MALRD1: variants seen among roughly 807,000 people sequenced by gnomAD.
MALRD1 encodes MAM and LDL-receptor class A domain-containing protein 1.
In MALRD1, 247 loss-of-function variants were observed where a neutral mutation model predicts 242.1. The observed-to-expected ratio is 1.02, with a 90% CI of 0.92 to 1.13. The LOEUF (loss-of-function observed/expected upper bound fraction) is 1.13, where lower values mean the gene tolerates loss of function less well. Ranked by LOEUF, MALRD1 falls within the 50% of genes most tolerant of loss-of-function variation. The probability of loss-of-function intolerance (pLI) is 0.00; values close to 1 mark genes in which losing one functional copy is unlikely to be tolerated. For missense variants in MALRD1, 2,989 were observed against 2,533.1 expected (o/e 1.18, Z -3.86); for synonymous variants, 995 against 866.6 (o/e 1.15, Z -2.60).
intron 21 of MALRD1, among the ~76,000 whole-genome samples, chr10:19,312,764 C>T (rs1289288219): frequency 6.6e-6 from 1 of 151,204 alleles, no homozygotes; most frequent in Non-Finnish European, 1.5e-5. Context: ...TTTTAGATGA[C>T]ATTAGATGAA....
intron 13 of MALRD1, 51 bp from the exon 14 acceptor site, chr10:19,175,157 A>G: frequency 8.6e-7 from 1 of 1,159,390 alleles, no homozygotes; most frequent in Non-Finnish European, 1.1e-6. Flanking sequence ...TGATTGTAAG[A>G]CATTACTTTT....
chr10:19,194,517 C>G (rs1320368937), intron 14 of MALRD1, among the ~76,000 whole-genome samples: 1 of 152,082 alleles, frequency 6.6e-6, no homozygotes, highest in Non-Finnish European at 1.5e-5. Context: ...CACTGTCAGT[C>G]TATTACCATA....
chr10:19,445,182 C>T (rs2131009117), intron 28 of MALRD1, among the ~76,000 whole-genome samples: 1 of 152,234 alleles, frequency 6.6e-6, no homozygotes, highest in Middle Eastern at 3.4e-3. Flanking sequence ...CTTATTTATG[C>T]TGTTTTTTCT....
At chr10:19,344,761 A>G (rs957429551) in intron 24 of MALRD1, among the ~76,000 whole-genome samples, 8 of 151,870 alleles carry the variant, frequency 5.3e-5, no homozygotes, top group Non-Finnish European at 7.4e-5. Flanking sequence ...GAGTTTTCCA[A>G]TCATGAGCAT....
chr10:19,665,661 G>T (rs191131939), intron 36 of MALRD1, among the ~76,000 whole-genome samples: 1 of 151,938 alleles, frequency 6.6e-6, no homozygotes, highest in Non-Finnish European at 1.5e-5. Flanking sequence ...CTACTAAAAC[G>T]TGGGCATTCA....
At chr10:19,645,658 C>G (rs1840621130) in intron 36 of MALRD1, among the ~76,000 whole-genome samples, 2 of 151,874 alleles carry the variant, frequency 1.3e-5, no homozygotes, top group Admixed American at 6.6e-5. Context: ...TATTCTCACT[C>G]ATAGGTGGGA....
intron 38 of MALRD1, among the ~76,000 whole-genome samples, chr10:19,704,580 G>A (rs185988810): frequency 1.1e-4 from 17 of 152,276 alleles, no homozygotes; most frequent in Admixed American, 4.6e-4. Context: ...ATCACAGTAA[G>A]TATGCAATAG....
At chr10:19,185,162 T>C (rs1302248947) in intron 14 of MALRD1, among the ~76,000 whole-genome samples, 4 of 152,210 alleles carry the variant, frequency 2.6e-5, no homozygotes. Flanking sequence ...ATGGTACATT[T>C]TCTCACGCCT....
intron 32 of MALRD1, among the ~76,000 whole-genome samples, chr10:19,533,161 A>G (rs6481967): frequency 0.7 from 106,655 of 152,048 alleles, 40,817 homozygotes; most frequent in Non-Finnish European, 0.84. Context: ...TTCTTTAGCT[A>G]CTCACCAGCT....
At chr10:19,530,537 A>G (rs1328561588) in intron 31 of MALRD1, among the ~76,000 whole-genome samples, 1 of 146,150 alleles carries the variant, frequency 6.8e-6, no homozygotes, top group Non-Finnish European at 1.5e-5. Flanking sequence ...CAAATATTTA[A>G]CTTAAGGAAA....
intron 13 of MALRD1, among the ~76,000 whole-genome samples, chr10:19,170,979 A>G (rs1834896387): frequency 6.6e-6 from 1 of 151,910 alleles, no homozygotes; most frequent in Non-Finnish European, 1.5e-5. Flanking sequence ...CCTTCTTACT[A>G]TATCTCTATT....
chr10:19,424,656 T>C (rs1833836775), intron 28 of MALRD1, among the ~76,000 whole-genome samples: 1 of 152,244 alleles, frequency 6.6e-6, no homozygotes, highest in Admixed American at 6.5e-5. Context: ...ATTGCTTTTG[T>C]GACATGGACA....
In MALRD1 at chr10:19,707,610, CAAGTCATGGGTTTG is replaced by C. The variant is rs1260051428; in HGVS notation, c.6314+15072_6314+15085del. ...CCTGAGCAGCAGTGATTGCTTAATACAAGTCATGGGTTTGAAGTCATGGGTTTGATGTGCCATTT... is the reference window on the plus strand; with the variant it reads ...CCTGAGCAGCAGTGATTGCTTAATACAAGTCATGGGTTTGATGTGCCATTT... On this transcript the variant is annotated intron_variant, in intron 38 of 39. Coordinates refer to ENST00000454679, the MANE Select transcript of MALRD1 (RefSeq NM_001142308.3). Among the ~76,000 whole-genome samples the C allele has an allele frequency of 2.0e-5, 3 of 152,194 alleles. No homozygotes were observed. The South Asian group carries it at 6.2e-4, about 32-fold the overall frequency.
At chr10:19,418,531 A>T (rs1833597648) in intron 28 of MALRD1, among the ~76,000 whole-genome samples, 1 of 150,960 alleles carries the variant, frequency 6.6e-6, no homozygotes, top group South Asian at 2.1e-4. Context: ...AGTGCCTTCC[A>T]TGATGTCTAA....
chr10:19,699,041 G>T (rs1020840495), intron 38 of MALRD1, among the ~76,000 whole-genome samples: 3 of 151,994 alleles, frequency 2.0e-5, no homozygotes, highest in Non-Finnish European at 4.4e-5. Flanking sequence ...GGGCCTGTTG[G>T]GGGGTGAGGG....
chr10:19,300,625 A>G lies in MALRD1; in HGVS notation c.3419+17444A>G, dbSNP rs547555031. 2.6e-5 allele frequency among the ~76,000 whole-genome samples: 4 copies of G among 152,122 alleles called. No individual in the cohort carries two copies. The East Asian group carries it at 7.8e-4, about 30-fold the overall frequency. On this transcript the variant is annotated intron_variant, in intron 21 of 39. Coordinates refer to ENST00000454679, the MANE Select transcript of MALRD1 (RefSeq NM_001142308.3). Reference sequence around the variant, plus strand: ...CAATGGGGAAAGGACTCCCCTAGTCAATAAACAATGCTGGGATAACTGGCT... The same window carrying G: ...CAATGGGGAAAGGACTCCCCTAGTCGATAAACAATGCTGGGATAACTGGCT...
At chr10:19,228,756 G>A (rs1837908470) in intron 18 of MALRD1, among the ~76,000 whole-genome samples, 1 of 152,152 alleles carries the variant, frequency 6.6e-6, no homozygotes, top group African/African-American at 2.4e-5. Flanking sequence ...GAAATCACAT[G>A]TCTAAAAATC....
chr10:19,385,853 T>C (rs10740883), intron 26 of MALRD1, among the ~76,000 whole-genome samples: 103,110 of 151,914 alleles, frequency 0.68, 35,224 homozygotes, highest in Non-Finnish European at 0.69. Flanking sequence ...TTAACGTAGG[T>C]ATTTATCACT....
chr10:19,201,125 T>G (rs1836518625), intron 14 of MALRD1, among the ~76,000 whole-genome samples: 1 of 152,124 alleles, frequency 6.6e-6, no homozygotes, highest in Non-Finnish European at 1.5e-5. Context: ...TCCAGGCTAT[T>G]TCTCCTTTTC....
Sources: allele counts gnomAD v4.1 joint callset (sites outside exome capture counted in the v4.1 genomes callset), GRCh38; gene constraint gnomAD v4.1.1; transcripts MANE v1.5; gene names NCBI Gene and HGNC (gene_info 2026-07-23, HGNC 2026-07-21).